Variants in SMC1A observed in about 807,000 individuals in gnomAD.
SMC1A encodes structural maintenance of chromosomes protein 1A.
Under a neutral mutation model 94.5 loss-of-function variants are expected in SMC1A, and 4 were observed. The ratio of observed to expected loss-of-function variants is 0.04; its 90% CI spans 0.02 to 0.10. SMC1A has a LOEUF of 0.10. Among genes scored for constraint, SMC1A ranks in the 10% least tolerant of loss-of-function variants. The pLI is 1.00. For missense variants in SMC1A, 304 were observed against 989.0 expected (o/e 0.31, Z 9.29); for synonymous variants, 345 against 347.7 (o/e 0.99, Z 0.09).
At position 53,416,235 on chromosome X, in the gene SMC1A, G is replaced by A. The variant is rs781872359; in HGVS notation, c.110-1066C>T. On this transcript the variant is annotated intron_variant, in intron 1 of 24. Transcript: ENST00000322213. ...GGAGAATCGCTTGAACCTGGGAGGT[G>A]GAGGCTGCAGTGAGCCAAGATCGTG... 9.6e-5 allele frequency among the ~76,000 whole-genome samples: 10 copies of A among 104,529 alleles called. No homozygotes were observed. In the East Asian group the frequency reaches 2.8e-3, roughly 29 times the overall value. The allele number at this position is 104,529 out of a possible 115,157, so 90.8% of individuals were successfully genotyped here.
chrX:53,382,855 T>C (rs1404013168), intron 20 of SMC1A, among the ~76,000 whole-genome samples, 195 bp from the exon 21 acceptor site: 4 of 110,848 alleles, frequency 3.6e-5, no homozygotes, highest in African/African-American at 1.3e-4. Flanking sequence ...CAAATATGGA[T>C]TCCTCCCTGT....
At chrX:53,382,706 G>A in intron 20 of SMC1A, 46 bp from the exon 21 acceptor site, 2 of 1,194,796 alleles carry the variant, frequency 1.7e-6, no homozygotes, top group Non-Finnish European at 2.3e-6. Context: ...CTGGCAAGAA[G>A]GACCTGCAAA....
chrX:53,394,729 A>ACAG, intron 19 of SMC1A, 49 bp downstream of exon 19: 1 of 575,998 alleles, frequency 1.7e-6, no homozygotes, highest in African/African-American at 2.3e-5. Context: ...AGATAGTCCC[A>ACAG]CTCCCACCCA....
chrX:53,407,910 GCAGTCGTGTCTGAATC>G (rs1170270695), intron 9 of SMC1A, among the ~76,000 whole-genome samples: 1 of 111,685 alleles, frequency 9.0e-6, no homozygotes, highest in Non-Finnish European at 1.9e-5. Flanking sequence ...ATGACTTCAG[GCAGTCGTGTCTGAATC>G]CAGAATCATC....
chrX:53,393,027 C>T (rs1364436540), intron 19 of SMC1A, among the ~76,000 whole-genome samples: 2 of 111,848 alleles, frequency 1.8e-5, no homozygotes, highest in Non-Finnish European at 3.8e-5. Flanking sequence ...TACTTCATAG[C>T]TAATGTTGAA....
chrX:53,413,583 T>C (rs1464875848), intron 3 of SMC1A, 148 bp from the exon 4 acceptor site: 1 of 543,172 alleles, frequency 1.8e-6, no homozygotes, highest in Non-Finnish European at 3.1e-6. Flanking sequence ...GAGGACAAAT[T>C]CCTTGCCCTC....
intron 20 of SMC1A, 78 bp from the exon 21 acceptor site, chrX:53,382,738 T>A (rs2075589477): frequency 1.8e-6 from 2 of 1,121,816 alleles, no homozygotes; most frequent in Admixed American, 4.5e-5. Context: ...AGCAGGAACA[T>A]CCCACTGAGA....
At chrX:53,418,439 T>C (rs886711710) in intron 1 of SMC1A, among the ~76,000 whole-genome samples, 4 of 111,555 alleles carry the variant, frequency 3.6e-5, no homozygotes, top group Non-Finnish European at 7.5e-5. Context: ...CCAGACCTTA[T>C]TCATTTATTT....
intron 9 of SMC1A, among the ~76,000 whole-genome samples, chrX:53,408,670 C>A (rs1171462419): frequency 9.1e-6 from 1 of 110,244 alleles, no homozygotes; most frequent in Admixed American, 9.7e-5. Flanking sequence ...CTGCACAGAG[C>A]TACTTCCTGG....
intron 19 of SMC1A, 47 bp downstream of exon 19, chrX:53,394,731 T>TGCCCCC: frequency 2.6e-5 from 11 of 416,141 alleles, no homozygotes; most frequent in East Asian, 9.3e-5. Flanking sequence ...ATAGTCCCAC[T>TGCCCCC]CCCACCCAAC....
intron 8 of SMC1A, 35 bp downstream of exon 8, chrX:53,409,386 C>T (rs1556890198): frequency 1.7e-6 from 2 of 1,172,864 alleles, no homozygotes; most frequent in Non-Finnish European, 2.3e-6. Context: ...AAGAACAGGC[C>T]TGGAAGTAAG....
chrX:53,400,495 C>A (rs370970475), intron 15 of SMC1A, among the ~76,000 whole-genome samples: 2 of 111,698 alleles, frequency 1.8e-5, no homozygotes, highest in Non-Finnish European at 3.8e-5. Flanking sequence ...ACCGAGTCCA[C>A]GATAACTACT....
Position 53,377,606 on chromosome X carries a change from C to T in SMC1A, c.*2497G>A, listed in dbSNP as rs1556885397. ...ATAACCACCTGTACAGTGGAGAAAG[C>T]ACTTGAATGACTTGGAAGACCTGGG... On this transcript the variant is annotated 3_prime_UTR_variant, in exon 25 of 25. Coordinates refer to ENST00000322213, the MANE Select transcript of SMC1A (RefSeq NM_006306.4). 8.9e-6 allele frequency: 1 copy of T among 112,144 alleles called. No individual in the cohort carries two copies. The highest frequency in any genetic ancestry group is 3.2e-5 in the African/African-American group (1 of 30,808). The allele number at this position is 112,144 out of a possible 1,213,427, so 9.2% of individuals were successfully genotyped here. A position where few individuals can be genotyped will look rare whatever the true frequency, so the allele number is the denominator to read the frequency against.
intron 1 of SMC1A, among the ~76,000 whole-genome samples, chrX:53,417,272 C>T (rs1241688056): frequency 7.2e-5 from 8 of 110,404 alleles, no homozygotes; most frequent in Admixed American, 3.9e-4. Flanking sequence ...AAGGGTGAGC[C>T]GGGCACGGTG....
At chrX:53,387,817 AT>A (rs1332999259) in intron 19 of SMC1A, among the ~76,000 whole-genome samples, 1 of 111,937 alleles carries the variant, frequency 8.9e-6, no homozygotes, top group Non-Finnish European at 1.9e-5. Context: ...AAGAAGGATA[AT>A]AACCACAACA....
In SMC1A at chrX:53,384,296, C is replaced by T. The variant is rs1407390937; in HGVS notation, c.2974-1043G>A. ...TTTTTTTTTTGGAGACAGAGTCTCG[C>T]TCTATTACCCAAGCTGGAGTGCAAT... On this transcript the variant is annotated intron_variant, in intron 19 of 24. Coordinates refer to ENST00000322213, the MANE Select transcript of SMC1A (RefSeq NM_006306.4). Among the ~76,000 whole-genome samples the T allele has an allele frequency of 2.8e-5, 3 of 105,355 alleles. No homozygotes were observed. In the East Asian group the frequency reaches 8.9e-4, roughly 31 times the overall value. The allele number at this position is 105,355 out of a possible 115,157, so 91.5% of individuals were successfully genotyped here.
chrX:53,422,394 C>CGA, intron 1 of SMC1A, 98 bp downstream of exon 1: 1 of 612,785 alleles, frequency 1.6e-6, no homozygotes. Context: ...TAAGGGTCCG[C>CGA]GACGTTTCAG....
intron 1 of SMC1A, among the ~76,000 whole-genome samples, chrX:53,415,935 C>T (rs1193734542): frequency 9.1e-6 from 1 of 109,843 alleles, no homozygotes; most frequent in Non-Finnish European, 1.9e-5. Flanking sequence ...GATAGTTTTA[C>T]AACCTTTAAT....
chrX:53,379,336 T>C lies in SMC1A; in HGVS notation c.*767A>G, dbSNP rs782417885. On this transcript the variant is annotated 3_prime_UTR_variant, in exon 25 of 25. Transcript: ENST00000322213. ...AGTGCCTGACCAAATCCTACCAATT[T>C]GTCAAGGTCTAGCTTAAATGTGACC... The C allele has an allele frequency of 3.6e-5, 4 of 111,631 alleles. No homozygotes were observed. Among genetic ancestry groups the C allele is most frequent in the Admixed American group, 9.5e-5 (1 of 10,541 alleles). The allele number at this position is 111,631 out of a possible 1,213,427, so 9.2% of individuals were successfully genotyped here. A position where few individuals can be genotyped will look rare whatever the true frequency, so the allele number is the denominator to read the frequency against.
Sources: gnomAD v4.1 joint callset for allele counts (sites outside exome capture counted in the v4.1 genomes callset) on GRCh38, gnomAD v4.1.1 for gene constraint, MANE v1.5 for transcripts, NCBI Gene and HGNC (gene_info 2026-07-23, HGNC 2026-07-21) for gene names.